Variants in MTOR observed in about 807,000 individuals in gnomAD.
The protein encoded by MTOR is serine/threonine-protein kinase mTOR.
A neutral mutation model predicts 319.8 loss-of-function variants in MTOR; 70 were observed. The observed-to-expected ratio is 0.22, with a 90% CI of 0.18 to 0.27. The LOEUF (loss-of-function observed/expected upper bound fraction) is 0.27, where lower values mean the gene tolerates loss of function less well. Among genes scored for constraint, MTOR ranks in the 10% least tolerant of loss-of-function variants. MTOR has a pLI of 1.00. For missense variants in MTOR, 1,890 were observed against 3,274.4 expected (o/e 0.58, Z 10.32); for synonymous variants, 1,183 against 1,211.4 (o/e 0.98, Z 0.49).
rs191550317 is a variant in MTOR at position 11,167,511 on chromosome 1, A to G, written c.4260T>C (p.Asn1420=). 6.0e-4 allele frequency: 964 copies of G among 1,611,594 alleles called. 20 individuals are homozygous for G. The Admixed American group carries it at 0.015, about 26-fold the overall frequency. The change falls in exon 29 of 58, where the codon AAT becomes AAC. Residue 1420 remains asparagine (N), a synonymous_variant. Coordinates refer to ENST00000361445, the MANE Select transcript of MTOR (RefSeq NM_004958.4). ...PAILESLISI[N]NKLQQPEAAA... ...CTGCCTCCGGCTGCTGTAGCTTATT[A>G]TTAATGCTGAGAAAACAAAGGGAAA...
At chr1:11,229,007 C>G (rs1439155074) in intron 18 of MTOR, 89 bp from the exon 19 acceptor site, 2 of 1,459,936 alleles carry the variant, frequency 1.4e-6, no homozygotes, top group African/African-American at 2.8e-5. Context: ...AACCTCCTAA[C>G]AGACATTAGC....
intron 49 of MTOR, among the ~76,000 whole-genome samples, chr1:11,120,534 A>G (rs1435766288): frequency 2.0e-5 from 3 of 151,538 alleles, no homozygotes; most frequent in Non-Finnish European, 4.4e-5. Context: ...AAAAAAAAAA[A>G]AGAGATGGAG....
Position 11,243,313 on chromosome 1 carries a change from A to G in MTOR, c.1226-13T>C. On this transcript the variant is annotated splice_polypyrimidine_tract_variant and intron_variant, in intron 8 of 57. Coordinates refer to ENST00000361445, the MANE Select transcript of MTOR (RefSeq NM_004958.4). ...AGATACTGGGTATCTGAGCACAGAA[A>G]AGACAAAGTAGATAGCTCCAGGTCA... The G allele has an allele frequency of 6.2e-7, 1 of 1,612,306 alleles. No individual in the cohort carries two copies. Among genetic ancestry groups the G allele is most frequent in the South Asian group, 1.1e-5 (1 of 91,006 alleles).
chr1:11,185,023 C>T (rs145730778), intron 28 of MTOR, among the ~76,000 whole-genome samples: 92 of 152,324 alleles, frequency 6.0e-4, no homozygotes, highest in African/African-American at 2.1e-3. Flanking sequence ...TTGCTTACAA[C>T]ATCCTCTCCC....
In MTOR at chr1:11,127,053, A is replaced by G. The variant is rs1027355452; in HGVS notation, c.6308T>C (p.Leu2103Pro). 3.7e-6 allele frequency: 6 copies of G among 1,614,080 alleles called. No homozygotes were observed. The highest frequency in any genetic ancestry group is 8.5e-7 in the Non-Finnish European group (1 of 1,180,034). Residue 2103 changes from leucine (L) to proline (P), a missense_variant, in exon 45 of 58, where the codon CTC becomes CCC. This residue lies in a region of MTOR where 249 missense variants were observed against 596.2 expected (regional missense o/e 0.42). Coordinates refer to ENST00000361445, the MANE Select transcript of MTOR (RefSeq NM_004958.4). The surrounding 1 kb of genome is among the most constrained non-coding windows in gnomAD (Gnocchi z 5.5). Reference protein sequence around the residue: ...NVKDLTQAWDLYYHVFRRISK... With the variant: ...NVKDLTQAWDPYYHVFRRISK... Reference sequence around the variant, plus strand: ...GATTCGTCGGAACACATGATAATAGAGGTCCCAGGCTTGGGTGAGGTCCTT... The same window carrying G: ...GATTCGTCGGAACACATGATAATAGGGGTCCCAGGCTTGGGTGAGGTCCTT...
chr1:11,119,625 A>G (rs1235764131), intron 49 of MTOR, among the ~76,000 whole-genome samples: 4 of 149,330 alleles, frequency 2.7e-5, no homozygotes, highest in Non-Finnish European at 5.9e-5. Context: ...ACGCGCCTGT[A>G]ATTCCAGGTA....
intron 11 of MTOR, among the ~76,000 whole-genome samples, chr1:11,238,986 G>A (rs1156981912): frequency 2.0e-5 from 3 of 150,702 alleles, no homozygotes; most frequent in Non-Finnish European, 4.4e-5. Context: ...ATGTTAGCTA[G>A]GATGGTCTCG....
chr1:11,144,795 G>C (rs1209765864), intron 33 of MTOR, 40 bp from the exon 34 acceptor site: 3 of 1,582,044 alleles, frequency 1.9e-6, no homozygotes, highest in Non-Finnish European at 2.6e-6. Flanking sequence ...ATTACTGCAC[G>C]AACAATCCAA....
chr1:11,164,422 G>T (rs542224674), intron 29 of MTOR, among the ~76,000 whole-genome samples: 6 of 149,912 alleles, frequency 4.0e-5, no homozygotes, highest in African/African-American at 1.2e-4. Context: ...TATCACCACC[G>T]ATCCCACAGA....
In MTOR at chr1:11,128,837, G is replaced by A. The variant is rs1642980234; in HGVS notation, c.5811+18C>T. On this transcript the variant is annotated intron_variant, in intron 41 of 57. Coordinates refer to ENST00000361445, the MANE Select transcript of MTOR (RefSeq NM_004958.4). This position sits in a 1 kb window ranked among gnomAD's most constrained non-coding sequence, Gnocchi z 5.3. ...GAGAGACTTGGAGCCACCTTCACCTGTAACCAAGTATCCTCACCTGTAGCC... is the reference window on the plus strand; with the variant it reads ...GAGAGACTTGGAGCCACCTTCACCTATAACCAAGTATCCTCACCTGTAGCC... The A allele has an allele frequency of 1.9e-6, 3 of 1,604,130 alleles. No individual in the cohort carries two copies. Among genetic ancestry groups the A allele is most frequent in the African/African-American group, 1.3e-5 (1 of 74,710 alleles).
chr1:11,130,845 A>C (rs2100434739), intron 38 of MTOR, 68 bp from the exon 39 acceptor site: 2 of 1,512,100 alleles, frequency 1.3e-6, no homozygotes, highest in Non-Finnish European at 1.8e-6. Context: ...GAGGAGCGCA[A>C]GGTCGATGCT....
At chr1:11,216,026 C>T (rs1472300902) in intron 20 of MTOR, 122 bp downstream of exon 20, 6 of 578,620 alleles carry the variant, frequency 1.0e-5, no homozygotes, top group African/African-American at 1.9e-5. Context: ...GTTCCACTTC[C>T]TGTACTAAGA....
rs1645662640 is a variant in MTOR at position 11,193,835 on chromosome 1, A to G, written c.4253+5423T>C. The G allele has an allele frequency of 1.9e-5, 29 of 1,516,630 alleles. No individual in the cohort carries two copies. The South Asian group carries it at 3.4e-4, about 18-fold the overall frequency. The allele number at this position is 1,516,630 out of a possible 1,614,324, so 93.9% of individuals were successfully genotyped here. A position where few individuals can be genotyped will look rare whatever the true frequency, so the allele number is the denominator to read the frequency against. ...GTGCCACCACACATGACCGCGTACA[A>G]CTCCGGGGGTGCCATTCCTATTCTG... On this transcript the variant is annotated intron_variant, in intron 28 of 57. Coordinates refer to ENST00000361445, the MANE Select transcript of MTOR (RefSeq NM_004958.4).
At chr1:11,252,458 C>T (rs180689486) in intron 6 of MTOR, among the ~76,000 whole-genome samples, 51 of 152,102 alleles carry the variant, frequency 3.4e-4, no homozygotes, top group African/African-American at 1.2e-3. Flanking sequence ...TGAACCATGA[C>T]TAGTTGAATC....
rs115957549 is a variant in MTOR, at chr1:11,159,737, A to G, written c.4330-2446T>C. Among the ~76,000 whole-genome samples, 488 of 152,300 alleles carry G rather than the reference A, an allele frequency of 3.2e-3. 9 individuals carry two copies. Among genetic ancestry groups the G allele is most frequent in the African/African-American group, 0.011 (458 of 41,566 alleles). On this transcript the variant is annotated intron_variant, in intron 29 of 57. Transcript: ENST00000361445. The stretch of plus-strand genomic sequence containing the variant: ...TAGCCCTTCTGTGAGGCAAAATGCT[A>G]GATGATCAAACAAAAGCCTGTTAAA...
At position 11,180,174 on chromosome 1, in the gene MTOR, G is replaced by A. The variant is rs534006463; in HGVS notation, c.4254-12657C>T. On this transcript the variant is annotated intron_variant, in intron 28 of 57. Transcript: ENST00000361445. ...CCTGTCTTGGCCTCCCAAAGTGCTG[G>A]GATTATAGGAGTGAGCCACTGCACC... Among the ~76,000 whole-genome samples, 16 of 152,220 alleles carry A rather than the reference G, an allele frequency of 1.1e-4. No individual in the cohort carries two copies. In the East Asian group the frequency reaches 2.9e-3, roughly 28 times the overall value.
chr1:11,164,027 T>C (rs1448401560), intron 29 of MTOR, among the ~76,000 whole-genome samples: 6 of 152,224 alleles, frequency 3.9e-5, no homozygotes, highest in South Asian at 2.1e-4. Context: ...ACAAAATTGA[T>C]AGACCACTAG....
chr1:11,203,845 G>A (rs1338326834), intron 26 of MTOR, among the ~76,000 whole-genome samples: 1 of 152,156 alleles, frequency 6.6e-6, no homozygotes, highest in Non-Finnish European at 1.5e-5. Flanking sequence ...ACAGGGCAAG[G>A]CAGAAGTGAC....
intron 6 of MTOR, among the ~76,000 whole-genome samples, chr1:11,249,465 G>T (rs1052961213): frequency 1.8e-4 from 27 of 150,282 alleles, no homozygotes; most frequent in African/African-American, 2.7e-4. Flanking sequence ...GTTTCTCGCA[G>T]AGGGGGATTT....
Sources: gnomAD v4.1 joint callset for allele counts (sites outside exome capture counted in the v4.1 genomes callset) on GRCh38, gnomAD v4.1.1 for gene constraint, gnomAD v4.1.1 regional missense constraint, Gnocchi (gnomAD v3.1) non-coding constraint, MANE v1.5 for transcripts, NCBI Gene and HGNC (gene_info 2026-07-23, HGNC 2026-07-21) for gene names.